The following DPYD variants were observed in gnomAD, a reference collection of about 807,000 sequenced individuals.
DPYD encodes dihydropyrimidine dehydrogenase [NADP(+)].
DPYD carries 109 observed loss-of-function variants against 116.2 expected under a neutral mutation model. The ratio of observed to expected loss-of-function variants is 0.94; its 90% confidence interval spans 0.80 to 1.10. DPYD has a LOEUF of 1.10. Among genes scored for constraint, DPYD ranks in the 50% least tolerant of loss-of-function variants. DPYD has a pLI of 0.00. For missense variants in DPYD, 1,302 were observed against 1,254.5 expected (o/e 1.04, Z -0.57); for synonymous variants, 440 against 432.0 (o/e 1.02, Z -0.23).
intron 19 of DPYD, among the ~76,000 whole-genome samples, chr1:97,200,245 C>T (rs1659110248): frequency 6.6e-6 from 1 of 152,144 alleles, no homozygotes; most frequent in South Asian, 2.1e-4. Context: ...GGTGGATAAA[C>T]TACACTTCAG....
intron 1 of DPYD, among the ~76,000 whole-genome samples, chr1:97,908,639 T>C (rs1174842927): frequency 1.3e-5 from 2 of 152,052 alleles, no homozygotes; most frequent in East Asian, 1.9e-4. Flanking sequence ...TCACCCTTGG[T>C]TATAGTCTTG....
At chr1:97,911,060 CTAAT>C (rs1369457721) in intron 1 of DPYD, among the ~76,000 whole-genome samples, 2 of 151,964 alleles carry the variant, frequency 1.3e-5, no homozygotes, top group Non-Finnish European at 2.9e-5. Context: ...AAAGTTTCAC[CTAAT>C]TGTTTATTTA....
chr1:97,594,922 T>G, intron 9 of DPYD, 137 bp downstream of exon 9: 1 of 636,622 alleles, frequency 1.6e-6, no homozygotes, highest in East Asian at 3.0e-5. Context: ...CCTTTTTTTT[T>G]TTAATTTTAC....
chr1:97,240,319 C>A (rs1662244028), intron 18 of DPYD, among the ~76,000 whole-genome samples: 2 of 151,738 alleles, frequency 1.3e-5, no homozygotes, highest in South Asian at 2.1e-4. Flanking sequence ...GAAAAGGAGG[C>A]AGAGATGTAC....
chr1:97,538,367 T>C (rs1650177938), intron 12 of DPYD, among the ~76,000 whole-genome samples: 1 of 152,216 alleles, frequency 6.6e-6, no homozygotes, highest in African/African-American at 2.4e-5. Context: ...ACATAGCCTA[T>C]TGAACTGCCA....
In DPYD at chr1:97,721,542, T is replaced by G; in HGVS notation, c.451A>C (p.Asn151His). 2.5e-6 allele frequency: 4 copies of G among 1,611,552 alleles called. No homozygotes were observed. The highest frequency in any genetic ancestry group is 3.4e-6 in the Non-Finnish European group (4 of 1,178,302). The change falls in exon 5 of 23, where the codon AAT becomes CAT. Residue 151 changes from asparagine to histidine, a missense_variant. Asn to His is a moderately conservative substitution (Grantham distance 68, BLOSUM62 1). Transcript: ENST00000370192. ...NLYATEEGPI[N>H]IGGLQQFATE... Reference sequence around the variant, plus strand: ...GCAAATTGCTGCAATCCACCAATATTAATGGGTCCCTCTTCAGTGGCATAT... The same window carrying G: ...GCAAATTGCTGCAATCCACCAATATGAATGGGTCCCTCTTCAGTGGCATAT...
At chr1:97,542,426 T>C (rs1650515077) in intron 12 of DPYD, among the ~76,000 whole-genome samples, 1 of 152,192 alleles carries the variant, frequency 6.6e-6, no homozygotes, top group East Asian at 1.9e-4. Flanking sequence ...CTGGTCTGGG[T>C]ACCCCTCATG....
chr1:97,317,855 C>T (rs566192635), intron 16 of DPYD, among the ~76,000 whole-genome samples: 6 of 152,076 alleles, frequency 3.9e-5, no homozygotes, highest in African/African-American at 1.4e-4. Flanking sequence ...AATAACCTAT[C>T]AGAGAAAAAC....
intron 13 of DPYD, among the ~76,000 whole-genome samples, chr1:97,474,803 A>T (rs938503569): frequency 2.7e-5 from 4 of 146,354 alleles, no homozygotes; most frequent in African/African-American, 1.0e-4. Flanking sequence ...ATTATAGCAA[A>T]TGTTTGATCT....
intron 20 of DPYD, among the ~76,000 whole-genome samples, chr1:97,144,078 C>A (rs1654435840): frequency 6.6e-6 from 1 of 152,098 alleles, no homozygotes. Context: ...CAGGAAAACC[C>A]CAGAACTGGA....
intron 20 of DPYD, among the ~76,000 whole-genome samples, chr1:97,119,987 G>A (rs1435172567): frequency 3.9e-5 from 6 of 152,170 alleles, no homozygotes; most frequent in Non-Finnish European, 4.4e-5. Context: ...ACGAAGACCC[G>A]CAGATGGTCA....
chr1:97,780,977 C>G (rs1481354033), intron 3 of DPYD, among the ~76,000 whole-genome samples: 2 of 152,116 alleles, frequency 1.3e-5, no homozygotes, highest in African/African-American at 4.8e-5. Context: ...AACTAACAGG[C>G]ATTATTCTAG....
At chr1:97,569,508 T>C (rs1235330961) in intron 11 of DPYD, among the ~76,000 whole-genome samples, 1 of 150,610 alleles carries the variant, frequency 6.6e-6, no homozygotes, top group East Asian at 1.9e-4. Flanking sequence ...GTTTAGAACT[T>C]TCCAGTGAAT....
intron 12 of DPYD, among the ~76,000 whole-genome samples, chr1:97,523,316 AT>A (rs1648824190): frequency 6.6e-6 from 1 of 152,240 alleles, no homozygotes; most frequent in African/African-American, 2.4e-5. Flanking sequence ...TTTAAAGACT[AT>A]TTTTTTAAAG....
intron 13 of DPYD, among the ~76,000 whole-genome samples, chr1:97,456,829 T>G (rs910056853): frequency 1.3e-5 from 2 of 152,052 alleles, no homozygotes; most frequent in Admixed American, 1.3e-4. Flanking sequence ...GCAAAATAAT[T>G]ATCATTTAGT....
At chr1:97,208,762 C>T (rs1223418712) in intron 19 of DPYD, among the ~76,000 whole-genome samples, 2 of 152,098 alleles carry the variant, frequency 1.3e-5, no homozygotes, top group Non-Finnish European at 2.9e-5. Flanking sequence ...TGAGGTTATG[C>T]TGTTTGTTTT....
intron 20 of DPYD, among the ~76,000 whole-genome samples, chr1:97,188,709 T>C (rs1658161959): frequency 6.6e-6 from 1 of 152,160 alleles, no homozygotes; most frequent in African/African-American, 2.4e-5. Flanking sequence ...TAAAAATATA[T>C]TAATGATTGA....
intron 3 of DPYD, among the ~76,000 whole-genome samples, chr1:97,784,083 C>T (rs1666894765): frequency 6.6e-6 from 1 of 152,148 alleles, no homozygotes; most frequent in South Asian, 2.1e-4. Context: ...ATATGAATCA[C>T]ATTATCAGCC....
chr1:97,636,610 A>G (rs1310196854), intron 8 of DPYD, among the ~76,000 whole-genome samples: 1 of 152,178 alleles, frequency 6.6e-6, no homozygotes, highest in African/African-American at 2.4e-5. Flanking sequence ...AAGACATATA[A>G]TATGTGAATT....
Sources: allele counts gnomAD v4.1 joint callset (sites outside exome capture counted in the v4.1 genomes callset), GRCh38; gene constraint gnomAD v4.1.1; transcripts MANE v1.5; gene names NCBI Gene and HGNC (gene_info 2026-07-23, HGNC 2026-07-21).